The following LRP1B variants were observed in gnomAD, a reference collection of about 807,000 sequenced individuals.
LRP1B encodes the protein LDL receptor related protein 1B.
A neutral mutation model predicts 556.6 loss-of-function variants in LRP1B; 217 were observed. That is an observed-to-expected ratio of 0.39 (90% confidence interval 0.35 to 0.44). The LOEUF (loss-of-function observed/expected upper bound fraction) is 0.44. Among genes scored for constraint, LRP1B ranks in the 20% least tolerant of loss-of-function variants. LRP1B has a pLI of 1.00. For missense variants in LRP1B, 5,053 were observed against 5,620.8 expected (o/e 0.90, Z 3.23); for synonymous variants, 2,047 against 1,865.8 (o/e 1.10, Z -2.50).
At chr2:141,496,773 G>C (rs1371606352) in intron 2 of LRP1B, among the ~76,000 whole-genome samples, 2 of 151,784 alleles carry the variant, frequency 1.3e-5, no homozygotes, top group African/African-American at 4.8e-5. Context: ...AAAATGTCAT[G>C]GGTTATGAAG....
intron 7 of LRP1B, among the ~76,000 whole-genome samples, chr2:141,131,430 T>TATATATATATA (rs67252411): frequency 1.4e-4 from 20 of 145,962 alleles, no homozygotes; most frequent in Admixed American, 2.1e-4. Flanking sequence ...TATATATATA[T>TATATATATATA]TTGCTCTTAG....
At chr2:140,435,933 C>G (rs1686158365) in intron 66 of LRP1B, among the ~76,000 whole-genome samples, 1 of 151,892 alleles carries the variant, frequency 6.6e-6, no homozygotes, top group Non-Finnish European at 1.5e-5. Flanking sequence ...AAATAAATGC[C>G]ATTATGCGGG....
intron 39 of LRP1B, 134 bp from the exon 40 acceptor site, chr2:140,701,979 T>C (rs1458542594): frequency 7.5e-7 from 1 of 1,326,452 alleles, no homozygotes; most frequent in Non-Finnish European, 1.0e-6. Context: ...TTGAAATGCT[T>C]CAGCTTGGAA....
intron 7 of LRP1B, among the ~76,000 whole-genome samples, chr2:141,096,192 A>T (rs997469830): frequency 1.3e-5 from 2 of 152,174 alleles, no homozygotes; most frequent in Non-Finnish European, 2.9e-5. Flanking sequence ...AAGGTTATTA[A>T]ACTTTGTATA....
chr2:140,570,675 C>T (rs1284859813), intron 43 of LRP1B, among the ~76,000 whole-genome samples: 1 of 151,566 alleles, frequency 6.6e-6, no homozygotes, highest in African/African-American at 2.4e-5. Context: ...ATTTTATAAT[C>T]TCAGCATACC....
At chr2:141,279,735 C>T (rs963913623) in intron 3 of LRP1B, among the ~76,000 whole-genome samples, 2 of 152,066 alleles carry the variant, frequency 1.3e-5, no homozygotes, top group African/African-American at 4.8e-5. Flanking sequence ...TATAGGCAAG[C>T]TCTGACTTAC....
chr2:140,651,813 T>C (rs944160682), intron 41 of LRP1B, among the ~76,000 whole-genome samples: 2 of 152,146 alleles, frequency 1.3e-5, no homozygotes, highest in Non-Finnish European at 2.9e-5. Context: ...TCGAGTGGAA[T>C]GAACAGCAAA....
chr2:141,077,229 CTGAG>C (rs1699810686), intron 7 of LRP1B, among the ~76,000 whole-genome samples: 1 of 151,744 alleles, frequency 6.6e-6, no homozygotes, highest in Non-Finnish European at 1.5e-5. Context: ...GCCTGGGCCA[CTGAG>C]TGAGACTCCA....
rs1437841323 is a variant in LRP1B, at chr2:140,247,831, AGT to A, written c.13248-671_13248-670del. 1.1e-4 allele frequency among the ~76,000 whole-genome samples: 16 copies of A among 151,714 alleles called. 1 individual carries two copies. The Admixed American group carries it at 1.1e-3, about 10-fold the overall frequency. On this transcript the variant is annotated intron_variant, in intron 86 of 90. Coordinates refer to ENST00000389484, the MANE Select transcript of LRP1B (RefSeq NM_018557.3). Reference sequence around the variant, plus strand: ...ATTAAAAGCCATTATTTAAACATAAAGTGCAACTATGAAATTAGCTGGTTGCA... The same window carrying A: ...ATTAAAAGCCATTATTTAAACATAAAGCAACTATGAAATTAGCTGGTTGCA...
intron 2 of LRP1B, among the ~76,000 whole-genome samples, chr2:141,782,665 G>A (rs1305199928): frequency 6.6e-6 from 1 of 151,500 alleles, no homozygotes; most frequent in African/African-American, 2.4e-5. Flanking sequence ...ACTCACCATC[G>A]TGCAATAGTT....
intron 2 of LRP1B, among the ~76,000 whole-genome samples, chr2:141,652,598 A>C (rs912352031): frequency 6.6e-5 from 10 of 152,234 alleles, no homozygotes; most frequent in African/African-American, 2.4e-4. Context: ...CAGAGCTGTT[A>C]ATGTTTTTCT....
chr2:141,324,245 A>G (rs1687358499), intron 3 of LRP1B, among the ~76,000 whole-genome samples: 1 of 152,116 alleles, frequency 6.6e-6, no homozygotes, highest in African/African-American at 2.4e-5. Flanking sequence ...AAACAATAAT[A>G]GAGTAGTCCT....
At chr2:141,760,656 T>TA (rs1377226913) in intron 2 of LRP1B, among the ~76,000 whole-genome samples, 1 of 152,216 alleles carries the variant, frequency 6.6e-6, no homozygotes, top group East Asian at 1.9e-4. Flanking sequence ...CATGGATTGT[T>TA]ACAGAGTTTT....
Position 141,395,581 on chromosome 2 carries a change from A to C in LRP1B, c.343+84815T>G, listed in dbSNP as rs147221296. ...CTGTCTTTACTTTATATATTCATAT[A>C]AAAATTTCTTTGACACGATGAGGAT... On this transcript the variant is annotated intron_variant, in intron 3 of 90. Coordinates refer to ENST00000389484, the MANE Select transcript of LRP1B (RefSeq NM_018557.3). 4.9e-3 allele frequency among the ~76,000 whole-genome samples: 752 copies of C among 152,260 alleles called. 8 individuals carry two copies. Among genetic ancestry groups the C allele is most frequent in the African/African-American group, 0.017 (725 of 41,570 alleles).
At chr2:141,966,658 G>C (rs565575298) in intron 1 of LRP1B, among the ~76,000 whole-genome samples, 1 of 151,542 alleles carries the variant, frequency 6.6e-6, no homozygotes, top group East Asian at 2.0e-4. Flanking sequence ...CATCTCGGGG[G>C]GCTGCTGGTA....
intron 1 of LRP1B, among the ~76,000 whole-genome samples, chr2:141,837,365 T>C (rs1156405015): frequency 6.6e-6 from 1 of 152,038 alleles, no homozygotes; most frequent in Non-Finnish European, 1.5e-5. Context: ...AATATATGGG[T>C]TTACACCAAA....
intron 20 of LRP1B, among the ~76,000 whole-genome samples, chr2:140,928,315 T>C (rs1001770187): frequency 6.6e-6 from 1 of 152,108 alleles, no homozygotes; most frequent in Non-Finnish European, 1.5e-5. Flanking sequence ...AACAGACTGG[T>C]TATGCTGTGA....
At chr2:140,830,400 A>G (rs542507815) in intron 31 of LRP1B, among the ~76,000 whole-genome samples, 1 of 152,272 alleles carries the variant, frequency 6.6e-6, no homozygotes, top group East Asian at 1.9e-4. Flanking sequence ...AAGATTATTC[A>G]CCACAATCAA....
chr2:141,878,714 G>A (rs1401580391), intron 1 of LRP1B, among the ~76,000 whole-genome samples: 1 of 151,918 alleles, frequency 6.6e-6, no homozygotes, highest in African/African-American at 2.4e-5. Context: ...ACTGTTTAAT[G>A]GTAGGGAAAA....
Sources: gnomAD v4.1 joint callset for allele counts (sites outside exome capture counted in the v4.1 genomes callset) on GRCh38, gnomAD v4.1.1 for gene constraint, MANE v1.5 for transcripts, NCBI Gene and HGNC (gene_info 2026-07-23, HGNC 2026-07-21) for gene names.